The following ZNF792 variants were observed in gnomAD, a reference collection of about 807,000 sequenced individuals.
ZNF792 encodes zinc finger protein 792.
In ZNF792, 14 loss-of-function variants were observed where a neutral mutation model predicts 13.1. That is an observed-to-expected ratio of 1.07 (90% CI 0.71 to 1.67). The LOEUF (loss-of-function observed/expected upper bound fraction) is 1.67, where lower values mean the gene tolerates loss of function less well. Among genes scored for constraint, ZNF792 ranks in the 40% most tolerant of loss-of-function variants. The probability of loss-of-function intolerance (pLI) is 0.00; values close to 1 mark genes in which losing one functional copy is unlikely to be tolerated. For synonymous variants in ZNF792, 257 were observed against 292.0 expected, an observed-to-expected ratio of 0.88 and a Z score of 1.22; for missense variants, 740 against 807.9, an observed-to-expected ratio of 0.92 and a Z score of 1.02.
At chr19:34,961,106 C>T (rs547666133) in intron 1 of ZNF792, 112 bp from the exon 2 acceptor site, 1 of 1,474,802 alleles carries the variant, frequency 6.8e-7, no homozygotes, top group African/African-American at 1.4e-5. Context: ...GTAGCAGGCC[C>T]TGGTTCTGTG....
chr19:34,959,394 T>C lies in ZNF792; in HGVS notation c.461A>G (p.His154Arg), dbSNP rs2013491531. The C allele has an allele frequency of 1.9e-6, 3 of 1,614,160 alleles. No homozygotes were observed. The highest frequency in any genetic ancestry group is 2.7e-5 in the African/African-American group (2 of 75,054). ...ILHLAEHQTT[H>R]PRQKPFVCEA... ...ACACACAAATGGTTTCTGCCTGGGA[T>C]GTGTTGTCTGGTGTTCAGCCAAATG... is the stretch of plus-strand genomic sequence containing the variant. The change falls in exon 4 of 4, where the codon CAT (histidine) becomes CGT (arginine). Residue 154 changes from histidine (H) to arginine (R), a missense_variant. His to Arg is a conservative substitution (Grantham distance 29). Coordinates refer to ENST00000404801, the MANE Select transcript of ZNF792 (RefSeq NM_175872.5).
At chr19:34,960,183 T>C in intron 3 of ZNF792, 52 bp downstream of exon 3, 2 of 1,600,220 alleles carry the variant, frequency 1.2e-6, no homozygotes, top group Non-Finnish European at 8.6e-7. Context: ...GCTGGTATGA[T>C]GTAAACACAG....
intron 1 of ZNF792, among the ~76,000 whole-genome samples, chr19:34,961,871 G>T (rs1478792567): frequency 6.6e-6 from 1 of 152,128 alleles, no homozygotes; most frequent in East Asian, 1.9e-4. Context: ...TGAGAACATA[G>T]GTGAGTGTGT....
At position 34,956,822 on chromosome 19, in the gene ZNF792, AGCAC is replaced by A. The variant is rs1230205164; in HGVS notation, c.*1130_*1133del. 5 of 152,256 alleles carry A rather than the reference AGCAC, an allele frequency of 3.3e-5. No homozygotes were observed. Among genetic ancestry groups the A allele is most frequent in the Admixed American group, 1.3e-4 (2 of 15,284 alleles). 9.4% of individuals were successfully genotyped at this position (152,256 alleles called of 1,614,324 possible). A position where few individuals can be genotyped will look rare whatever the true frequency, so the allele number is the denominator to read the frequency against. ...GCACAGCACTGGCCTTCAGATGCAC[AGCAC>A]GGAGATGGTAATCCACAAAACCAAA... On this transcript the variant is annotated 3_prime_UTR_variant, in exon 4 of 4. Coordinates refer to ENST00000404801, the MANE Select transcript of ZNF792 (RefSeq NM_175872.5).
Position 34,958,970 on chromosome 19 carries a change from A to G in ZNF792, c.885T>C (p.Ala295=). The change falls in exon 4 of 4, where the codon GCT becomes GCC. Residue 295 remains alanine, a synonymous_variant. Coordinates refer to ENST00000404801, the MANE Select transcript of ZNF792 (RefSeq NM_175872.5). ...GAACTTTCTGGTGTTGAGTGAGGTC[A>G]GCGGCGTAAGTGAAGAAGATTCCAC... ...SKCGIFFTYA[A]DLTQHQKVHN... The G allele has an allele frequency of 6.2e-7, 1 of 1,614,146 alleles. No homozygotes were observed. The highest frequency in any genetic ancestry group is 2.2e-5 in the East Asian group (1 of 44,884).
In ZNF792 at chr19:34,958,038, G is replaced by C. The variant is rs1436708110; in HGVS notation, c.1817C>G (p.Ser606Cys). The C allele has an allele frequency of 6.2e-7, 1 of 1,612,930 alleles. No homozygotes were observed. The highest frequency in any genetic ancestry group is 8.5e-7 in the Non-Finnish European group (1 of 1,179,542). Residue 606 changes from serine (S) to cysteine (C), a missense_variant, in exon 4 of 4, where the codon TCT becomes TGT. By Grantham distance (112) the Ser-to-Cys change is moderately radical. Coordinates refer to ENST00000404801, the MANE Select transcript of ZNF792 (RefSeq NM_175872.5). ...PCSQHTPEIS[S>C]ENRPYQGAVN... ...AGCGCCCTGATAAGGTCTGTTCTCAGAGCTTATCTCTGGTGTGTGCTGTGA... is the reference window on the plus strand; with the variant it reads ...AGCGCCCTGATAAGGTCTGTTCTCACAGCTTATCTCTGGTGTGTGCTGTGA...
Position 34,957,964 on chromosome 19 carries a change from C to T in ZNF792, c.1891G>A (p.Val631Ile). Reference sequence around the variant, plus strand: ...CAACACAGCTAGCATTCCTAGGGAACCTCCCCAGGGTGGGTACTTGGATGA... The same window carrying T: ...CAACACAGCTAGCATTCCTAGGGAATCTCCCCAGGGTGGGTACTTGGATGA... ...LVHPSTHPGEVP is the reference protein window; with the variant it reads ...LVHPSTHPGEIP Residue 631 changes from valine (V) to isoleucine (I), a missense_variant, in exon 4 of 4, where the codon GTT becomes ATT. Transcript: ENST00000404801. 1 of 1,593,156 alleles carries T rather than the reference C, an allele frequency of 6.3e-7. No individual in the cohort carries two copies. Among genetic ancestry groups the T allele is most frequent in the Non-Finnish European group, 8.6e-7 (1 of 1,167,558 alleles).
In ZNF792 at chr19:34,961,004, TGG is replaced by T; in HGVS notation, c.34-12_34-11del. 1 of 1,610,338 alleles carries T rather than the reference TGG, an allele frequency of 6.2e-7. No homozygotes were observed. Among genetic ancestry groups the T allele is most frequent in the Non-Finnish European group, 8.5e-7 (1 of 1,177,732 alleles). ...CAAAGGTCACGCAGCCCTGCCATGA[TGG>T]GGACAGTTCGTTCCATGATCAGTCT... On this transcript the variant is annotated splice_polypyrimidine_tract_variant and intron_variant, in intron 1 of 3. Transcript: ENST00000404801.
At chr19:34,963,409 C>T (rs1216805973) in intron 1 of ZNF792, among the ~76,000 whole-genome samples, 1 of 152,114 alleles carries the variant, frequency 6.6e-6, no homozygotes, top group Non-Finnish European at 1.5e-5. Flanking sequence ...GCCCTTTCTC[C>T]CTCCATCCCA....
chr19:34,960,243 G>A lies in ZNF792; in HGVS notation c.275C>T (p.Pro92Leu). ...CTCCCATCGCTGCTTACCAGAGCCA[G>A]GCCTGCCATAAGCCCCTCTGGCCAT... Reference protein sequence around the residue: ...SAMARGAYGRPGSDFCHGTEG... With the variant: ...SAMARGAYGRLGSDFCHGTEG... The change falls in exon 3 of 4, where the codon CCT becomes CTT. Residue 92 changes from proline (P) to leucine (L), a missense_variant. Coordinates refer to ENST00000404801, the MANE Select transcript of ZNF792 (RefSeq NM_175872.5). 2 of 1,613,804 alleles carry A rather than the reference G, an allele frequency of 1.2e-6. No individual in the cohort carries two copies. Among genetic ancestry groups the A allele is most frequent in the South Asian group, 1.1e-5 (1 of 91,076 alleles).
rs747355705 is a variant in ZNF792, at chr19:34,963,743, C to T, written c.-81G>A. 1.3e-3 allele frequency: 1,796 copies of T among 1,426,598 alleles called. 2 individuals are homozygous for T. Among genetic ancestry groups the T allele is most frequent in the Non-Finnish European group, 1.6e-3 (1,686 of 1,068,452 alleles). 88.4% of individuals were successfully genotyped at this position (1,426,598 alleles called of 1,614,324 possible). A position where few individuals can be genotyped will look rare whatever the true frequency, so the allele number is the denominator to read the frequency against. On this transcript the variant is annotated 5_prime_UTR_variant, in exon 1 of 4. Coordinates refer to ENST00000404801, the MANE Select transcript of ZNF792 (RefSeq NM_175872.5). ...AGGGGGTCTCGCAGGCTGAGGCTAC[C>T]ACCCACCTGGCCGTGCCCCAGACGA... is the stretch of plus-strand genomic sequence containing the variant.
At position 34,960,162 on chromosome 19, in the gene ZNF792, G is replaced by A. The variant is rs887617847; in HGVS notation, c.283+73C>T. On this transcript the variant is annotated intron_variant, in intron 3 of 3. Transcript: ENST00000404801. ...CATTGGTATCAAATGATGATGAATA[G>A]GAGAGAAGATGCTGGTATGATGTAA... 3.8e-6 allele frequency: 6 copies of A among 1,575,190 alleles called. No individual in the cohort carries two copies. The Admixed American group carries it at 1.0e-4, about 27-fold the overall frequency.
At position 34,958,028 on chromosome 19, in the gene ZNF792, T is replaced by C; in HGVS notation, c.1827A>G (p.Arg609=). 1 of 1,613,244 alleles carries C rather than the reference T, an allele frequency of 6.2e-7. No homozygotes were observed. Among genetic ancestry groups the C allele is most frequent in the African/African-American group, 1.3e-5 (1 of 75,042 alleles). The change falls in exon 4 of 4, where the codon AGA becomes AGG. Residue 609 remains arginine, a synonymous_variant. Coordinates refer to ENST00000404801, the MANE Select transcript of ZNF792 (RefSeq NM_175872.5). ...TGTAGTTGACAGCGCCCTGATAAGG[T>C]CTGTTCTCAGAGCTTATCTCTGGTG... is the stretch of plus-strand genomic sequence containing the variant. ...QHTPEISSEN[R]PYQGAVNYKL...
intron 1 of ZNF792, among the ~76,000 whole-genome samples, chr19:34,962,200 C>T (rs1355875506): frequency 2.6e-5 from 4 of 152,200 alleles, no homozygotes; most frequent in African/African-American, 9.7e-5. Context: ...CCCGTCCACA[C>T]ACCAGATGTC....
Position 34,957,617 on chromosome 19 carries a change from A to C in ZNF792, c.*339T>G. 4.0e-6 allele frequency: 1 copy of C among 250,344 alleles called. No homozygotes were observed. 15.5% of individuals were successfully genotyped at this position (250,344 alleles called of 1,614,324 possible). A position where few individuals can be genotyped will look rare whatever the true frequency, so the allele number is the denominator to read the frequency against. The stretch of plus-strand genomic sequence containing the variant: ...ACATGAGACCAACAATGTCCCAGAA[A>C]AAGGGAAACCTTCTCTAGAACAAGC... On this transcript the variant is annotated 3_prime_UTR_variant, in exon 4 of 4. Transcript: ENST00000404801.
intron 1 of ZNF792, among the ~76,000 whole-genome samples, chr19:34,962,034 T>C (rs1410868593): frequency 1.3e-5 from 2 of 152,166 alleles, no homozygotes; most frequent in Admixed American, 6.5e-5. Context: ...CCATGACCAC[T>C]ACTGTTCCTC....
rs1201360808 is a variant in ZNF792 at position 34,956,461 on chromosome 19, A to C, written c.*1495T>G. Reference sequence around the variant, plus strand: ...GTTTCCTAGGGAAGGCAAGGAGGGAATGTAAAGGGGCATGAGGTAGCTTTG... The same window carrying C: ...GTTTCCTAGGGAAGGCAAGGAGGGACTGTAAAGGGGCATGAGGTAGCTTTG... On this transcript the variant is annotated 3_prime_UTR_variant, in exon 4 of 4. Transcript: ENST00000404801. 1 of 152,160 alleles carries C rather than the reference A, an allele frequency of 6.6e-6. No individual in the cohort carries two copies. Among genetic ancestry groups the C allele is most frequent in the African/African-American group, 2.4e-5 (1 of 41,450 alleles). The allele number at this position is 152,160 out of a possible 1,614,324, so 9.4% of individuals were successfully genotyped here. A position where few individuals can be genotyped will look rare whatever the true frequency, so the allele number is the denominator to read the frequency against.
intron 1 of ZNF792, 63 bp downstream of exon 1, chr19:34,963,567 C>T: frequency 3.8e-6 from 6 of 1,573,712 alleles, no homozygotes; most frequent in Non-Finnish European, 4.3e-6. Flanking sequence ...TCTTTTGCGT[C>T]TCAACACCGA....
intron 2 of ZNF792, 108 bp from the exon 3 acceptor site, chr19:34,960,465 C>A: frequency 7.2e-7 from 1 of 1,392,654 alleles, no homozygotes; most frequent in South Asian, 1.3e-5. Context: ...ATTGGGTGGT[C>A]ACGGCAAGCA....
Sources: gnomAD v4.1 joint callset for allele counts (sites outside exome capture counted in the v4.1 genomes callset) on GRCh38, gnomAD v4.1.1 for gene constraint, MANE v1.5 for transcripts, NCBI Gene and HGNC (gene_info 2026-07-23, HGNC 2026-07-21) for gene names.